DNAJC1: variants seen among roughly 807,000 people sequenced by gnomAD.
DNAJC1 encodes dnaJ homolog subfamily C member 1.
DNAJC1 carries 58 observed loss-of-function variants against 76.6 expected under a neutral mutation model. That is an observed-to-expected ratio of 0.76 (90% CI 0.61 to 0.94). DNAJC1 has a LOEUF of 0.94. Ranked by LOEUF, DNAJC1 falls within the 40% of genes least tolerant of loss-of-function variation. The pLI, the probability that DNAJC1 is intolerant of heterozygous loss-of-function variation, is 0.00. For synonymous variants in DNAJC1, 258 were observed against 267.9 expected, an observed-to-expected ratio of 0.96 and a Z score of 0.36; for missense variants, 689 against 677.3, an observed-to-expected ratio of 1.02 and a Z score of -0.19.
chr10:21,935,012 A>G (rs1294396375), intron 1 of DNAJC1, among the ~76,000 whole-genome samples: 1 of 152,150 alleles, frequency 6.6e-6, no homozygotes, highest in African/African-American at 2.4e-5. Flanking sequence ...CAGCAACAAA[A>G]ACCTCTAGGA....
At chr10:21,995,783 T>C (rs555351658) in intron 1 of DNAJC1, among the ~76,000 whole-genome samples, 1 of 152,336 alleles carries the variant, frequency 6.6e-6, no homozygotes, top group Admixed American at 6.5e-5. Context: ...GATGATGTAA[T>C]CAGAAACACT....
intron 6 of DNAJC1, among the ~76,000 whole-genome samples, chr10:21,917,002 A>AT (rs1836967816): frequency 1.3e-5 from 2 of 152,150 alleles, no homozygotes; most frequent in South Asian, 4.1e-4. Flanking sequence ...AGAAGAAATA[A>AT]TTAGAATAAA....
intron 1 of DNAJC1, among the ~76,000 whole-genome samples, chr10:21,946,068 T>TTC (rs1837500373): frequency 6.9e-6 from 1 of 145,638 alleles, no homozygotes; most frequent in African/African-American, 2.6e-5. Context: ...TTTTTTTTTT[T>TTC]TTTGCTCTGT....
chr10:21,820,657 A>C (rs1483102215), intron 8 of DNAJC1, among the ~76,000 whole-genome samples: 1 of 152,182 alleles, frequency 6.6e-6, no homozygotes, highest in Non-Finnish European at 1.5e-5. Flanking sequence ...CCCAGTCCCC[A>C]GGAGTTCCCC....
intron 9 of DNAJC1, among the ~76,000 whole-genome samples, chr10:21,780,662 T>C (rs1244315776): frequency 1.3e-5 from 2 of 152,124 alleles, no homozygotes; most frequent in Admixed American, 1.3e-4. Context: ...TAAAGACCAT[T>C]GATGCTAGGA....
intron 8 of DNAJC1, among the ~76,000 whole-genome samples, chr10:21,811,191 G>A (rs1834959911): frequency 6.6e-6 from 1 of 152,182 alleles, no homozygotes; most frequent in Non-Finnish European, 1.5e-5. Flanking sequence ...CACAGAGCAA[G>A]GCCTTGGTTG....
chr10:21,943,293 AGG>A (rs1477630054), intron 1 of DNAJC1, among the ~76,000 whole-genome samples: 1 of 152,232 alleles, frequency 6.6e-6, no homozygotes, highest in African/African-American at 2.4e-5. Flanking sequence ...AAAACAGAAA[AGG>A]GAAAAAAGCT....
intron 8 of DNAJC1, among the ~76,000 whole-genome samples, chr10:21,850,861 T>C (rs1415599927): frequency 6.6e-6 from 1 of 152,100 alleles, no homozygotes; most frequent in Admixed American, 6.6e-5. Context: ...AGGCCAGAAA[T>C]AAACCTTGCA....
At chr10:21,899,573 G>T (rs1299067248) in intron 7 of DNAJC1, among the ~76,000 whole-genome samples, 1 of 152,212 alleles carries the variant, frequency 6.6e-6, no homozygotes, top group Non-Finnish European at 1.5e-5. Flanking sequence ...CAGCTGCCTT[G>T]CCAAGACTTG....
intron 1 of DNAJC1, among the ~76,000 whole-genome samples, chr10:21,983,416 T>C (rs1838188536): frequency 6.6e-6 from 1 of 151,866 alleles, no homozygotes; most frequent in Non-Finnish European, 1.5e-5. Context: ...AACAGGCAAA[T>C]TCAAGAGTAA....
At chr10:21,808,851 T>TA (rs986556318) in intron 8 of DNAJC1, among the ~76,000 whole-genome samples, 1 of 152,216 alleles carries the variant, frequency 6.6e-6, no homozygotes, top group Non-Finnish European at 1.5e-5. Flanking sequence ...TAATGGAAGA[T>TA]ACCACATGGT....
chr10:21,766,946 G>C (rs1009769217), intron 9 of DNAJC1, among the ~76,000 whole-genome samples: 11 of 149,874 alleles, frequency 7.3e-5, no homozygotes, highest in African/African-American at 2.7e-4. Flanking sequence ...CTCCAGCCTG[G>C]GCATCGGAGT....
chr10:21,800,889 A>G (rs1834805806), intron 9 of DNAJC1, among the ~76,000 whole-genome samples: 1 of 152,226 alleles, frequency 6.6e-6, no homozygotes, highest in Non-Finnish European at 1.5e-5. Context: ...ATCAAAAAAG[A>G]GTTAATGATA....
At chr10:21,928,984 T>C in intron 2 of DNAJC1, 56 bp downstream of exon 2, 1 of 1,083,372 alleles carries the variant, frequency 9.2e-7, no homozygotes, top group Non-Finnish European at 1.3e-6. Flanking sequence ...ATTTCTACCA[T>C]CGACATGTTA....
chr10:21,843,488 G>C (rs1462602080), intron 8 of DNAJC1, among the ~76,000 whole-genome samples: 2 of 151,168 alleles, frequency 1.3e-5, no homozygotes, highest in African/African-American at 2.4e-5. Context: ...CTGCCTACTG[G>C]GTTCAAGTGA....
At chr10:21,868,974 G>C (rs922320410) in intron 8 of DNAJC1, among the ~76,000 whole-genome samples, 1 of 152,028 alleles carries the variant, frequency 6.6e-6, no homozygotes, top group Non-Finnish European at 1.5e-5. Context: ...TCACAAGAAA[G>C]GAACAGGGCT....
intron 10 of DNAJC1, among the ~76,000 whole-genome samples, chr10:21,761,899 A>T (rs768320686): frequency 4.8e-4 from 73 of 152,208 alleles, no homozygotes; most frequent in Non-Finnish European, 7.8e-4. Context: ...ATCTTTGAAA[A>T]CACAATTTTT....
intron 8 of DNAJC1, among the ~76,000 whole-genome samples, chr10:21,848,855 G>A (rs996423555): frequency 1.3e-5 from 2 of 152,132 alleles, no homozygotes; most frequent in Non-Finnish European, 2.9e-5. Flanking sequence ...AAAGCATGTG[G>A]ATATTAAAAC....
At chr10:21,842,979 T>C (rs772624218) in intron 8 of DNAJC1, among the ~76,000 whole-genome samples, 1 of 152,172 alleles carries the variant, frequency 6.6e-6, no homozygotes, top group Non-Finnish European at 1.5e-5. Flanking sequence ...GATTTCTTAT[T>C]AGTTGAATAA....
Sources: gnomAD v4.1 joint callset for allele counts (sites outside exome capture counted in the v4.1 genomes callset) on GRCh38, gnomAD v4.1.1 for gene constraint, MANE v1.5 for transcripts, NCBI Gene and HGNC (gene_info 2026-07-23, HGNC 2026-07-21) for gene names.